The following PAK5 variants were observed in gnomAD, a reference collection of about 807,000 sequenced individuals.
PAK5 encodes serine/threonine-protein kinase PAK 5.
Under a neutral mutation model 65.9 loss-of-function variants are expected in PAK5, and 16 were observed. The ratio of observed to expected loss-of-function variants is 0.24; its 90% CI spans 0.16 to 0.37. The LOEUF (loss-of-function observed/expected upper bound fraction) is 0.37. Ranked by LOEUF, PAK5 falls within the 10% of genes least tolerant of loss-of-function variation. The pLI, the probability that PAK5 is intolerant of heterozygous loss-of-function variation, is 1.00. For missense variants in PAK5, 785 were observed against 903.9 expected (o/e 0.87, Z 1.69); for synonymous variants, 371 against 354.9 (o/e 1.05, Z -0.51).
chr20:9,675,467 G>C (rs867538707), intron 2 of PAK5, among the ~76,000 whole-genome samples: 5 of 152,014 alleles, frequency 3.3e-5, no homozygotes, highest in Non-Finnish European at 7.4e-5. Flanking sequence ...TAAATGAATG[G>C]ATAAAACTTA....
chr20:9,779,862 G>A (rs2048923636), intron 1 of PAK5, among the ~76,000 whole-genome samples: 1 of 151,972 alleles, frequency 6.6e-6, no homozygotes, highest in African/African-American at 2.4e-5. Context: ...ACAATCATAT[G>A]CTTTTTACTA....
chr20:9,821,755 C>A (rs74361793), intron 1 of PAK5, among the ~76,000 whole-genome samples: 1 of 152,186 alleles, frequency 6.6e-6, no homozygotes, highest in African/African-American at 2.4e-5. Flanking sequence ...CTAACACTTG[C>A]GTTTCTGCTC....
intron 2 of PAK5, among the ~76,000 whole-genome samples, chr20:9,653,595 C>G (rs574335211): frequency 6.6e-6 from 1 of 152,230 alleles, no homozygotes; most frequent in Non-Finnish European, 1.5e-5. Context: ...CATCATCCTG[C>G]ACATTCAATC....
chr20:9,695,554 C>T (rs1193194335), intron 2 of PAK5, among the ~76,000 whole-genome samples: 1 of 151,988 alleles, frequency 6.6e-6, no homozygotes, highest in Non-Finnish European at 1.5e-5. Flanking sequence ...CCTTTAATAA[C>T]CCTTGCTTCT....
At chr20:9,611,476 T>A (rs1422977096) in intron 3 of PAK5, among the ~76,000 whole-genome samples, 1 of 152,184 alleles carries the variant, frequency 6.6e-6, no homozygotes, top group Non-Finnish European at 1.5e-5. Context: ...GTGTTTACCT[T>A]CCCACAATTT....
At chr20:9,704,467 A>G (rs1238501358) in intron 2 of PAK5, among the ~76,000 whole-genome samples, 1 of 152,174 alleles carries the variant, frequency 6.6e-6, no homozygotes, top group African/African-American at 2.4e-5. Context: ...TTTACTGCAG[A>G]TGAGAGCTTA....
rs192381958 is a variant in PAK5 at position 9,758,877 on chromosome 20, T to C, written c.-161-47442A>G. Among the ~76,000 whole-genome samples the C allele has an allele frequency of 9.7e-4, 148 of 152,208 alleles. No homozygotes were observed. In the Middle Eastern group the frequency reaches 0.014, roughly 14 times the overall value. ...TACTTTGTCTTCTGCCTGGAGGCCA[T>C]GTCTAAGGAAAAGAAAGGCAGCAAA... On this transcript the variant is annotated intron_variant, in intron 1 of 9. Coordinates refer to ENST00000353224, the MANE Select transcript of PAK5 (RefSeq NM_177990.4).
intron 1 of PAK5, among the ~76,000 whole-genome samples, chr20:9,806,137 T>TTTATTTAC (rs142295895): frequency 0.057 from 8,685 of 151,748 alleles, 375 homozygotes; most frequent in South Asian, 0.19. Context: ...GCTAATTTTA[T>TTTATTTAC]TTATTTATTT....
chr20:9,579,817 A>G (rs948847510), intron 4 of PAK5, among the ~76,000 whole-genome samples: 7 of 152,210 alleles, frequency 4.6e-5, no homozygotes, highest in African/African-American at 1.7e-4. Flanking sequence ...TCCACTCCTT[A>G]ACAGGGAACT....
chr20:9,618,800 T>C (rs1174133607), intron 3 of PAK5, among the ~76,000 whole-genome samples: 1 of 151,336 alleles, frequency 6.6e-6, no homozygotes, highest in South Asian at 2.1e-4. Flanking sequence ...AAGGAAAAGC[T>C]GAGATGAATC....
intron 1 of PAK5, among the ~76,000 whole-genome samples, chr20:9,831,789 T>G (rs1048507059): frequency 1.3e-5 from 2 of 152,214 alleles, no homozygotes; most frequent in Non-Finnish European, 2.9e-5. Context: ...ATTACAGGTG[T>G]GAGCCACCGT....
chr20:9,741,864 A>G (rs188328542), intron 1 of PAK5, among the ~76,000 whole-genome samples: 2 of 151,842 alleles, frequency 1.3e-5, no homozygotes, highest in Non-Finnish European at 2.9e-5. Flanking sequence ...CCAATGATCT[A>G]GCAGAGAAAA....
In PAK5 at chr20:9,539,252, C is replaced by T. The variant is rs2045219161; in HGVS notation, c.*210G>A. On this transcript the variant is annotated 3_prime_UTR_variant, in exon 10 of 10. Transcript: ENST00000353224. ...AATAATGACTTATTAAAGCCGTGCT[C>T]CAAGTGACCACACCGGCTGTCAGTG... The T allele has an allele frequency of 5.7e-6, 3 of 528,362 alleles. No homozygotes were observed. Among genetic ancestry groups the T allele is most frequent in the African/African-American group, 5.6e-5 (3 of 53,958 alleles). The allele number at this position is 528,362 out of a possible 1,614,324, so 32.7% of individuals were successfully genotyped here. A position where few individuals can be genotyped will look rare whatever the true frequency, so the allele number is the denominator to read the frequency against.
rs1343940771 is a variant in PAK5, at chr20:9,838,262, A to G, written c.-162+500T>C. 6.6e-6 allele frequency among the ~76,000 whole-genome samples: 1 copy of G among 152,030 alleles called. No homozygotes were observed. The highest frequency in any genetic ancestry group is 1.5e-5 in the Non-Finnish European group (1 of 68,012). ...AACACAGCCTCATAAAGGCTCAGCT[A>G]TTGCATCCTCCAGTCCACACCTGCC... On this transcript the variant is annotated intron_variant, in intron 1 of 9. Coordinates refer to ENST00000353224, the MANE Select transcript of PAK5 (RefSeq NM_177990.4). The surrounding 1 kb of genome is among the most constrained non-coding windows in gnomAD (Gnocchi z 4.5).
At chr20:9,573,447 C>A (rs1224665182) in intron 4 of PAK5, among the ~76,000 whole-genome samples, 1 of 152,176 alleles carries the variant, frequency 6.6e-6, no homozygotes, top group Admixed American at 6.5e-5. Flanking sequence ...TAAAACTCCA[C>A]ACAGCTATCA....
In PAK5 at chr20:9,539,001, C is replaced by A; in HGVS notation, c.*461G>T. The A allele has an allele frequency of 4.3e-6, 1 of 233,550 alleles. No homozygotes were observed. Among genetic ancestry groups the A allele is most frequent in the Non-Finnish European group, 8.5e-6 (1 of 118,162 alleles). The allele number at this position is 233,550 out of a possible 1,614,324, so 14.5% of individuals were successfully genotyped here. A position where few individuals can be genotyped will look rare whatever the true frequency, so the allele number is the denominator to read the frequency against. ...ATCAAAGTACTATAAATTATCAAAA[C>A]TATCGTACAGAAAAATTACAAATTC... On this transcript the variant is annotated 3_prime_UTR_variant, in exon 10 of 10. Coordinates refer to ENST00000353224, the MANE Select transcript of PAK5 (RefSeq NM_177990.4).
At chr20:9,804,034 G>T (rs1349140423) in intron 1 of PAK5, among the ~76,000 whole-genome samples, 1 of 152,140 alleles carries the variant, frequency 6.6e-6, no homozygotes, top group African/African-American at 2.4e-5. Flanking sequence ...GCTGTGGTGG[G>T]AGACCTTCTA....
At position 9,538,111 on chromosome 20, in the gene PAK5, A is replaced by G. The variant is rs1182133806; in HGVS notation, c.*1351T>C. The G allele has an allele frequency of 2.1e-5, 5 of 233,176 alleles. No individual in the cohort carries two copies. The highest frequency in any genetic ancestry group is 4.2e-5 in the Non-Finnish European group (5 of 117,836). The allele number at this position is 233,176 out of a possible 1,614,324, so 14.4% of individuals were successfully genotyped here. A position where few individuals can be genotyped will look rare whatever the true frequency, so the allele number is the denominator to read the frequency against. On this transcript the variant is annotated 3_prime_UTR_variant, in exon 10 of 10. Coordinates refer to ENST00000353224, the MANE Select transcript of PAK5 (RefSeq NM_177990.4). ...CTTCCAGAGTTTTAAAGGCAAATCTATATTGGCCTACAGTTAACATGCAAA... is the reference window on the plus strand; with the variant it reads ...CTTCCAGAGTTTTAAAGGCAAATCTGTATTGGCCTACAGTTAACATGCAAA...
At chr20:9,581,942 A>G (rs887307863) in intron 3 of PAK5, among the ~76,000 whole-genome samples, 1 of 152,212 alleles carries the variant, frequency 6.6e-6, no homozygotes, top group Non-Finnish European at 1.5e-5. Context: ...TTCAAACTGG[A>G]GGAAGAAGTC....
Sources: gnomAD v4.1 joint callset for allele counts (sites outside exome capture counted in the v4.1 genomes callset) on GRCh38, gnomAD v4.1.1 for gene constraint, Gnocchi (gnomAD v3.1) non-coding constraint, MANE v1.5 for transcripts, NCBI Gene and HGNC (gene_info 2026-07-23, HGNC 2026-07-21) for gene names.